TBC1D9: variants seen among roughly 807,000 people sequenced by gnomAD.
TBC1D9 encodes TBC1 domain family member 9, also known as TBC1 domain family member 9A.
In TBC1D9, 63 loss-of-function variants were observed where a neutral mutation model predicts 132.0. The observed-to-expected ratio is 0.48, with a 90% CI of 0.39 to 0.59. The LOEUF (loss-of-function observed/expected upper bound fraction) is 0.59, where lower values mean the gene tolerates loss of function less well. Ranked by LOEUF, TBC1D9 falls within the 20% of genes least tolerant of loss-of-function variation. The pLI, the probability that TBC1D9 is intolerant of heterozygous loss-of-function variation, is 0.00. For synonymous variants in TBC1D9, 610 were observed against 609.9 expected, an observed-to-expected ratio of 1.00 and a Z score of 0.00; for missense variants, 1,261 against 1,592.7, an observed-to-expected ratio of 0.79 and a Z score of 3.54.
chr4:140,661,203 C>A (rs796324020), intron 10 of TBC1D9, among the ~76,000 whole-genome samples: 1 of 152,094 alleles, frequency 6.6e-6, no homozygotes, highest in South Asian at 2.1e-4. Flanking sequence ...CGTGAGCCAC[C>A]GCACCTGGCC....
intron 1 of TBC1D9, 57 bp downstream of exon 1, chr4:140,755,859 G>A (rs980967901): frequency 1.4e-6 from 2 of 1,478,346 alleles, no homozygotes; most frequent in Non-Finnish European, 1.8e-6. Context: ...CCCAGGCCGC[G>A]GGCGGCGCCG....
intron 5 of TBC1D9, 83 bp from the exon 6 acceptor site, chr4:140,677,184 C>A: frequency 6.7e-7 from 1 of 1,495,402 alleles, no homozygotes; most frequent in Non-Finnish European, 9.1e-7. Flanking sequence ...TCCCCCAGCC[C>A]ATTTTCCACC....
intron 13 of TBC1D9, among the ~76,000 whole-genome samples, chr4:140,640,358 C>A (rs900547442): frequency 6.9e-6 from 1 of 144,252 alleles, no homozygotes; most frequent in African/African-American, 2.6e-5. Context: ...GTCAACTCTG[C>A]ATTTGTCTGG....
chr4:140,628,847 C>G (rs1736750817), intron 16 of TBC1D9, among the ~76,000 whole-genome samples: 1 of 152,150 alleles, frequency 6.6e-6, no homozygotes, highest in Non-Finnish European at 1.5e-5. Context: ...TTCTAGAAAT[C>G]CTTTTTAATT....
At chr4:140,630,755 T>G (rs562772819) in intron 16 of TBC1D9, among the ~76,000 whole-genome samples, 1 of 152,346 alleles carries the variant, frequency 6.6e-6, no homozygotes, top group Admixed American at 6.5e-5. Context: ...TACCTTCATG[T>G]GGCCCCACCC....
rs1737506730 is a variant in TBC1D9, at chr4:140,669,765, G to T, written c.1306C>A (p.Gln436Lys). 16 of 1,613,818 alleles carry T rather than the reference G, an allele frequency of 9.9e-6. No homozygotes were observed. The highest frequency in any genetic ancestry group is 2.7e-5 in the African/African-American group (2 of 74,918). Reference sequence around the variant, plus strand: ...TCAGCATCAGAGCTCGTGCTTCTCTGGGGGCTGGAGGAGACGAGGCTGCTG... The same window carrying T: ...TCAGCATCAGAGCTCGTGCTTCTCTTGGGGCTGGAGGAGACGAGGCTGCTG... ...RPSSLVSSSP[Q>K]RSTSSDADGE... Residue 436 changes from glutamine (Q) to lysine (K), a missense_variant, in exon 8 of 21, where the codon CAG becomes AAG. Gln to Lys is a moderately conservative substitution (Grantham distance 53). Coordinates refer to ENST00000442267, the MANE Select transcript of TBC1D9 (RefSeq NM_015130.3).
At chr4:140,732,710 C>A (rs545352494) in intron 1 of TBC1D9, among the ~76,000 whole-genome samples, 2 of 152,142 alleles carry the variant, frequency 1.3e-5, no homozygotes, top group Non-Finnish European at 2.9e-5. Context: ...GAACATAACA[C>A]CCCATCAAGC....
chr4:140,702,188 G>A (rs1222399298), intron 1 of TBC1D9, among the ~76,000 whole-genome samples: 1 of 152,120 alleles, frequency 6.6e-6, no homozygotes, highest in East Asian at 1.9e-4. Flanking sequence ...TGAGGATCAG[G>A]GTCTGCATTT....
At position 140,669,653 on chromosome 4, in the gene TBC1D9, T is replaced by A; in HGVS notation, c.1418A>T (p.Glu473Val). Residue 473 changes from glutamate (E) to valine (V), a missense_variant, in exon 8 of 21, where the codon GAG becomes GTG. Coordinates refer to ENST00000442267, the MANE Select transcript of TBC1D9 (RefSeq NM_015130.3). ...LMTMYRRRSPEEFNPKLAKEF... is the reference protein window; with the variant it reads ...LMTMYRRRSPVEFNPKLAKEF... ...ACCCACCAATTTCGGGTTGAACTCC[T>A]CGGGAGACCGCCGCCGATACATGGT... 1 of 1,612,340 alleles carries A rather than the reference T, an allele frequency of 6.2e-7. No individual in the cohort carries two copies. The highest frequency in any genetic ancestry group is 2.2e-5 in the East Asian group (1 of 44,830).
chr4:140,736,402 A>T (rs978726470), intron 1 of TBC1D9, among the ~76,000 whole-genome samples: 1 of 152,044 alleles, frequency 6.6e-6, no homozygotes, highest in Non-Finnish European at 1.5e-5. Flanking sequence ...TTAGCCAGGC[A>T]TGGTGGTACG....
At chr4:140,704,767 A>C (rs1174570952) in intron 1 of TBC1D9, among the ~76,000 whole-genome samples, 5 of 152,320 alleles carry the variant, frequency 3.3e-5, no homozygotes, top group African/African-American at 1.2e-4. Flanking sequence ...AACATAAACT[A>C]TTCTAATTAA....
At chr4:140,660,679 T>C (rs923286677) in intron 10 of TBC1D9, among the ~76,000 whole-genome samples, 1 of 152,108 alleles carries the variant, frequency 6.6e-6, no homozygotes, top group African/African-American at 2.4e-5. Context: ...GGGGACAGAG[T>C]GGTGATATCT....
intron 1 of TBC1D9, among the ~76,000 whole-genome samples, chr4:140,742,530 TCAAA>T (rs1391134137): frequency 3.0e-5 from 1 of 33,606 alleles, no homozygotes; most frequent in African/African-American, 1.7e-4. Flanking sequence ...AGACTCTGTC[TCAAA>T]AAAAAAAAAA....
chr4:140,679,353 A>G, intron 4 of TBC1D9, 150 bp from the exon 5 acceptor site: 1 of 877,900 alleles, frequency 1.1e-6, no homozygotes, highest in South Asian at 1.8e-5. Flanking sequence ...TAAGAGGTAA[A>G]TCTGGGCCAT....
chr4:140,712,853 G>A (rs895577384), intron 1 of TBC1D9, among the ~76,000 whole-genome samples: 3 of 152,040 alleles, frequency 2.0e-5, no homozygotes, highest in African/African-American at 7.3e-5. Flanking sequence ...AACAAACTGA[G>A]GGTCGGGCTG....
chr4:140,624,327 T>C lies in TBC1D9; in HGVS notation c.2961A>G (p.Leu987=), dbSNP rs748172576. Residue 987 remains leucine (L), a synonymous_variant, in exon 19 of 21, where the codon CTA becomes CTG. Coordinates refer to ENST00000442267, the MANE Select transcript of TBC1D9 (RefSeq NM_015130.3). The stretch of plus-strand genomic sequence containing the variant: ...GAATATCCTTACCTTTGTCTGGCTT[T>C]AGGCTCACCGTAACAAAGCCATCAT... The part of the protein sequence containing the change: ...GADDGFVTVS[L]KPDKGKRANS... The C allele has an allele frequency of 1.7e-5, 27 of 1,613,760 alleles. No individual in the cohort carries two copies. Among genetic ancestry groups the C allele is most frequent in the Admixed American group, 1.5e-4 (9 of 59,986 alleles).
intron 13 of TBC1D9, chr4:140,642,678 TC>T: frequency 3.0e-6 from 2 of 674,960 alleles, no homozygotes; most frequent in Non-Finnish European, 2.6e-6. Flanking sequence ...TCCCTGGCTT[TC>T]CCTGTTCCAA....
intron 16 of TBC1D9, among the ~76,000 whole-genome samples, chr4:140,629,443 C>T (rs1003454020): frequency 6.6e-6 from 1 of 152,220 alleles, no homozygotes; most frequent in African/African-American, 2.4e-5. Flanking sequence ...TTATCCCACT[C>T]TTTAAAGCAA....
At chr4:140,655,585 G>A (rs1737254956) in intron 13 of TBC1D9, among the ~76,000 whole-genome samples, 2 of 152,308 alleles carry the variant, frequency 1.3e-5, no homozygotes, top group East Asian at 1.9e-4. Flanking sequence ...CAAGGATCAG[G>A]AAATGAAGAA....
Sources: gnomAD v4.1 joint callset for allele counts (sites outside exome capture counted in the v4.1 genomes callset) on GRCh38, gnomAD v4.1.1 for gene constraint, MANE v1.5 for transcripts, NCBI Gene and HGNC (gene_info 2026-07-23, HGNC 2026-07-21) for gene names.